The following BABAM2 variants were observed in gnomAD, a reference collection of about 807,000 sequenced individuals.
The protein encoded by BABAM2 is BRISC and BRCA1-A complex member 2.
BABAM2 carries 31 observed loss-of-function variants against 54.7 expected under a neutral mutation model. That is an observed-to-expected ratio of 0.57 (90% CI 0.43 to 0.77). BABAM2 has a LOEUF of 0.77. Among genes scored for constraint, BABAM2 ranks in the 30% least tolerant of loss-of-function variants. BABAM2 has a pLI of 0.00. For synonymous variants in BABAM2, 167 were observed against 162.9 expected (o/e 1.03, Z -0.19); for missense variants, 364 against 455.8 (o/e 0.80, Z 1.83).
chr2:28,232,347 C>CCCA (rs1681488498), intron 7 of BABAM2, among the ~76,000 whole-genome samples: 1 of 152,176 alleles, frequency 6.6e-6, no homozygotes, highest in Admixed American at 6.5e-5. Flanking sequence ...CCAAGCCAAG[C>CCCA]TTTCAGACAG....
chr2:28,214,034 G>T (rs1051114870), intron 7 of BABAM2, among the ~76,000 whole-genome samples: 4 of 151,894 alleles, frequency 2.6e-5, no homozygotes, highest in African/African-American at 4.8e-5. Context: ...CCTTCATCTG[G>T]CTCCCTCATT....
At chr2:27,983,865 A>AT (rs1672191021) in intron 3 of BABAM2, among the ~76,000 whole-genome samples, 1 of 138,112 alleles carries the variant, frequency 7.2e-6, no homozygotes, top group African/African-American at 2.7e-5. Context: ...ATTCATTGGG[A>AT]TTTTTTACAT....
intron 4 of BABAM2, among the ~76,000 whole-genome samples, chr2:28,012,932 T>C (rs1674504407): frequency 6.6e-6 from 1 of 152,154 alleles, no homozygotes; most frequent in African/African-American, 2.4e-5. Flanking sequence ...TTTCCTCCCA[T>C]TTATCCATCC....
At chr2:28,283,840 G>A (rs1686581650) in intron 10 of BABAM2, among the ~76,000 whole-genome samples, 11 of 152,212 alleles carry the variant, frequency 7.2e-5, no homozygotes, top group Admixed American at 7.2e-4. Context: ...AGCAGTAAAT[G>A]TAAGGTCCAT....
intron 3 of BABAM2, among the ~76,000 whole-genome samples, chr2:27,956,461 T>TA (rs1670097210): frequency 6.6e-6 from 1 of 152,210 alleles, no homozygotes; most frequent in South Asian, 2.1e-4. Flanking sequence ...GTCTCTAAAA[T>TA]AATATATTGT....
chr2:27,967,470 T>C (rs981881062), intron 3 of BABAM2, among the ~76,000 whole-genome samples: 1 of 152,182 alleles, frequency 6.6e-6, no homozygotes, highest in Non-Finnish European at 1.5e-5. Context: ...ACCTCTTTCC[T>C]TTGTAAATTG....
chr2:28,303,678 T>A (rs1688282448), intron 11 of BABAM2, among the ~76,000 whole-genome samples: 1 of 152,112 alleles, frequency 6.6e-6, no homozygotes, highest in South Asian at 2.1e-4. Context: ...TCTTTTAGAA[T>A]CAGCTTGCCA....
chr2:28,278,439 G>A (rs1463010071), intron 10 of BABAM2, among the ~76,000 whole-genome samples: 3 of 152,222 alleles, frequency 2.0e-5, no homozygotes, highest in Admixed American at 1.3e-4. Context: ...TGAACACTCA[G>A]ATTTTGGAGG....
chr2:28,083,909 C>T (rs1665404945), intron 6 of BABAM2, among the ~76,000 whole-genome samples: 1 of 152,210 alleles, frequency 6.6e-6, no homozygotes, highest in African/African-American at 2.4e-5. Context: ...GAATAAAACA[C>T]ATAGCCCCCC....
At chr2:28,149,245 G>A (rs1671793446) in intron 7 of BABAM2, among the ~76,000 whole-genome samples, 1 of 152,148 alleles carries the variant, frequency 6.6e-6, no homozygotes. Context: ...ATAATGGATG[G>A]TAGTCTACAC....
At chr2:27,902,150 C>T (rs1416860825) in intron 2 of BABAM2, among the ~76,000 whole-genome samples, 1 of 152,036 alleles carries the variant, frequency 6.6e-6, no homozygotes, top group Admixed American at 6.6e-5. Context: ...CTCACATGTG[C>T]ACAAGAAAAT....
At chr2:27,992,602 A>G (rs60246764) in intron 4 of BABAM2, among the ~76,000 whole-genome samples, 1,618 of 152,350 alleles carry the variant, frequency 0.011, 23 homozygotes, top group African/African-American at 0.037. Context: ...AGGATGTTCA[A>G]TAAATTAAGA....
chr2:28,306,739 C>T (rs1336402204), intron 11 of BABAM2, among the ~76,000 whole-genome samples: 1 of 151,672 alleles, frequency 6.6e-6, no homozygotes, highest in East Asian at 1.9e-4. Context: ...CTCTGTCGCC[C>T]AGATTGGAGT....
intron 10 of BABAM2, among the ~76,000 whole-genome samples, chr2:28,282,366 T>G (rs926346121): frequency 6.6e-6 from 1 of 152,178 alleles, no homozygotes; most frequent in Non-Finnish European, 1.5e-5. Context: ...TCTCAGACTT[T>G]TGTGCTTTCT....
chr2:28,274,803 G>A (rs1171579413), intron 10 of BABAM2, among the ~76,000 whole-genome samples: 5 of 152,132 alleles, frequency 3.3e-5, no homozygotes, highest in Non-Finnish European at 5.9e-5. Context: ...CCTTTTCATC[G>A]TCACAGCCCT....
intron 8 of BABAM2, among the ~76,000 whole-genome samples, chr2:28,237,577 G>C (rs951732620): frequency 2.0e-5 from 3 of 151,980 alleles, no homozygotes; most frequent in African/African-American, 4.8e-5. Context: ...CGTCTTTCTT[G>C]AATTTCCTTT....
intron 6 of BABAM2, among the ~76,000 whole-genome samples, chr2:28,103,458 G>A (rs1667254036): frequency 6.6e-6 from 1 of 152,074 alleles, no homozygotes; most frequent in Admixed American, 6.6e-5. Flanking sequence ...ATAGACACAT[G>A]CCACCATGCT....
intron 7 of BABAM2, among the ~76,000 whole-genome samples, chr2:28,214,388 A>G (rs1679746699): frequency 6.6e-6 from 1 of 152,050 alleles, no homozygotes; most frequent in South Asian, 2.1e-4. Flanking sequence ...CCATGTGTTC[A>G]TTGCTGGTAT....
At chr2:27,924,617 C>T (rs771790487) in intron 2 of BABAM2, among the ~76,000 whole-genome samples, 1 of 152,200 alleles carries the variant, frequency 6.6e-6, no homozygotes, top group Non-Finnish European at 1.5e-5. Context: ...CTCCTGACCT[C>T]AGGTGATCTG....
Sources: allele counts gnomAD v4.1 joint callset (sites outside exome capture counted in the v4.1 genomes callset), GRCh38; gene constraint gnomAD v4.1.1; transcripts MANE v1.5; gene names NCBI Gene and HGNC (gene_info 2026-07-23, HGNC 2026-07-21).